The following NIFK variants were observed in gnomAD, a reference collection of about 807,000 sequenced individuals.
NIFK encodes the protein nucleolar protein interacting with the FHA domain of MKI67.
A neutral mutation model predicts 31.7 loss-of-function variants in NIFK; 16 were observed. The observed-to-expected ratio is 0.50, with a 90% CI of 0.34 to 0.77. NIFK has a LOEUF of 0.77. Among genes scored for constraint, NIFK ranks in the 30% least tolerant of loss-of-function variants. NIFK has a pLI of 0.01. For missense variants in NIFK, 341 were observed against 350.4 expected, an observed-to-expected ratio of 0.97 and a Z score of 0.21; for synonymous variants, 126 against 123.0, an observed-to-expected ratio of 1.02 and a Z score of -0.16.
rs778568215 is a variant in NIFK at position 121,736,800 on chromosome 2, C to T, written c.51G>A (p.Gln17=). The stretch of plus-strand genomic sequence containing the variant: ...CCTCCTTTTGAAACTCGACATCTTC[C>T]TGCGGATTAAGCGACAGGATTGGCC... ...PAGPILSLNP[Q]EDVEFQKEVA... Residue 17 remains glutamine (Q), a synonymous_variant, in exon 1 of 7, where the codon CAG becomes CAA. Coordinates refer to ENST00000285814, the MANE Select transcript of NIFK (RefSeq NM_032390.5). 1.2e-6 allele frequency: 2 copies of T among 1,614,192 alleles called. No homozygotes were observed. The highest frequency in any genetic ancestry group is 2.2e-5 in the South Asian group (2 of 91,090).
chr2:121,736,716 C>T (rs745828191), intron 1 of NIFK, 30 bp downstream of exon 1: 8 of 1,591,514 alleles, frequency 5.0e-6, no homozygotes, highest in Non-Finnish European at 3.5e-6. Flanking sequence ...ATCGCCCCCG[C>T]TCGCAGCCTG....
rs905434481 is a variant in NIFK at position 121,731,016 on chromosome 2, T to A, written c.441A>T (p.Lys147Asn). 2 of 1,613,010 alleles carry A rather than the reference T, an allele frequency of 1.2e-6. No homozygotes were observed. The highest frequency in any genetic ancestry group is 4.5e-5 in the East Asian group (2 of 44,886). The change falls in exon 4 of 7, where the codon AAA (lysine) becomes AAT (asparagine). Residue 147 changes from lysine (K) to asparagine (N), a missense_variant. Transcript: ENST00000285814. ...TTAGTGTCCGATTCCGATTATACCG[T>A]TTCACTGATGGATATGATGGCTGCT... ...PFKQPSYPSV[K>N]RYNRNRTLTQ...
intron 2 of NIFK, among the ~76,000 whole-genome samples, chr2:121,733,901 C>T (rs1231502391): frequency 6.6e-6 from 1 of 152,168 alleles, no homozygotes; most frequent in African/African-American, 2.4e-5. Flanking sequence ...GAGCCAAAGT[C>T]TGCAAAATAC....
chr2:121,730,927 G>A lies in NIFK; in HGVS notation c.530C>T (p.Ala177Val), dbSNP rs1169925701. The change falls in exon 4 of 7, where the codon GCT (alanine) becomes GTT (valine). Residue 177 changes from alanine to valine, a missense_variant. Ala to Val is a moderately conservative substitution (Grantham distance 64, BLOSUM62 0). Transcript: ENST00000285814. ...AAAATCATAGTCAATTCCTTTTTTAGCTAATTTCTTCCTGAGTAATCTTTC... is the reference window on the plus strand; with the variant it reads ...AAAATCATAGTCAATTCCTTTTTTAACTAATTTCTTCCTGAGTAATCTTTC... Reference protein sequence around the residue: ...KKERLLRKKLAKKGIDYDFPS... With the variant: ...KKERLLRKKLVKKGIDYDFPS... The A allele has an allele frequency of 6.2e-7, 1 of 1,612,276 alleles. No individual in the cohort carries two copies. Among genetic ancestry groups the A allele is most frequent in the East Asian group, 2.2e-5 (1 of 44,870 alleles).
Position 121,736,801 on chromosome 2 carries a change from T to C in NIFK, c.50A>G (p.Gln17Arg), listed in dbSNP as rs750327736. ...CTCCTTTTGAAACTCGACATCTTCC[T>C]GCGGATTAAGCGACAGGATTGGCCC... ...PAGPILSLNPQEDVEFQKEVA... is the reference protein window; with the variant it reads ...PAGPILSLNPREDVEFQKEVA... The change falls in exon 1 of 7, where the codon CAG becomes CGG. Residue 17 changes from glutamine to arginine, a missense_variant. By Grantham distance (43) the Gln-to-Arg change is conservative. Coordinates refer to ENST00000285814, the MANE Select transcript of NIFK (RefSeq NM_032390.5). 6.2e-7 allele frequency: 1 copy of C among 1,614,168 alleles called. No homozygotes were observed. Among genetic ancestry groups the C allele is most frequent in the South Asian group, 1.1e-5 (1 of 91,088 alleles).
rs1254233816 is a variant in NIFK, at chr2:121,727,116, G to A, written c.*608C>T. 1 of 200,804 alleles carries A rather than the reference G, an allele frequency of 5.0e-6. No homozygotes were observed. Among genetic ancestry groups the A allele is most frequent in the East Asian group, 1.3e-4 (1 of 7,920 alleles). 12.4% of individuals were successfully genotyped at this position (200,804 alleles called of 1,614,324 possible). ...AATACAATTCTTCACTGATGATACT[G>A]GTATAAAATGGTGGTTATTAATTCA... is the stretch of plus-strand genomic sequence containing the variant. On this transcript the variant is annotated 3_prime_UTR_variant, in exon 7 of 7. Transcript: ENST00000285814.
rs746692838 is a variant in NIFK at position 121,732,211 on chromosome 2, C to G, written c.244-7G>C. On this transcript the variant is annotated splice_region_variant and splice_polypyrimidine_tract_variant and intron_variant, in intron 2 of 6. Transcript: ENST00000285814. ...AGCCTTTGCTATTTCCAGTCTGCAA[C>G]AGAGAAACCGCCACAAAAAGTAGAA... is the stretch of plus-strand genomic sequence containing the variant. 1.3e-6 allele frequency: 2 copies of G among 1,545,850 alleles called. No individual in the cohort carries two copies. Among genetic ancestry groups the G allele is most frequent in the African/African-American group, 1.4e-5 (1 of 73,402 alleles).
At chr2:121,728,394 G>T in intron 5 of NIFK, 38 bp from the exon 6 acceptor site, 2 of 1,483,152 alleles carry the variant, frequency 1.3e-6, no homozygotes, top group South Asian at 1.2e-5. Flanking sequence ...TTTGAATATT[G>T]ATCAGCTACA....
Position 121,731,085 on chromosome 2 carries a change from T to C in NIFK, c.372A>G (p.Glu124=), listed in dbSNP as rs1424424270. 18 of 1,578,094 alleles carry C rather than the reference T, an allele frequency of 1.1e-5. No homozygotes were observed. Among genetic ancestry groups the C allele is most frequent in the Middle Eastern group, 1.7e-4 (1 of 5,900 alleles). Residue 124 remains glutamate, a synonymous_variant, in exon 4 of 7, where the codon GAA becomes GAG. Transcript: ENST00000285814. ...RLLECHFMPP[E]KVHKELFKDW... is the part of the protein sequence containing the mutation. ...CTTTAAAGAGTTCTTTATGTACTTT[T>C]TCAGGTGGCATAAAATGACCTATTT...
chr2:121,728,072 A>C (rs1189114614), intron 6 of NIFK, 160 bp from the exon 7 acceptor site: 6 of 741,938 alleles, frequency 8.1e-6, no homozygotes, highest in Admixed American at 3.5e-5. Flanking sequence ...AAGAACTTAG[A>C]TGCTTATCAA....
At chr2:121,732,320 A>G (rs2074547253) in intron 2 of NIFK, 116 bp from the exon 3 acceptor site, 1 of 638,570 alleles carries the variant, frequency 1.6e-6, no homozygotes, top group Admixed American at 2.8e-5. Context: ...AATATTACGT[A>G]CGACACGCTT....
At position 121,731,109 on chromosome 2, in the gene NIFK, T is replaced by C. The variant is rs747173125; in HGVS notation, c.353-5A>G. The C allele has an allele frequency of 1.3e-6, 2 of 1,507,652 alleles. No individual in the cohort carries two copies. The highest frequency in any genetic ancestry group is 2.4e-5 in the South Asian group (2 of 82,822). 93.4% of individuals were successfully genotyped at this position (1,507,652 alleles called of 1,614,324 possible). A position where few individuals can be genotyped will look rare whatever the true frequency, so the allele number is the denominator to read the frequency against. On this transcript the variant is annotated splice_region_variant and splice_polypyrimidine_tract_variant and intron_variant, in intron 3 of 6. Coordinates refer to ENST00000285814, the MANE Select transcript of NIFK (RefSeq NM_032390.5). ...TTTCAGGTGGCATAAAATGACCTAT[T>C]TTCAAAAAGAAAAAAACATAAAGGT...
chr2:121,731,393 C>A lies in NIFK; in HGVS notation c.353-289G>T, dbSNP rs138669746. Among the ~76,000 whole-genome samples, 426 of 152,334 alleles carry A rather than the reference C, an allele frequency of 2.8e-3. 2 individuals are homozygous for A. Among genetic ancestry groups the A allele is most frequent in the Non-Finnish European group, 4.9e-3 (335 of 68,026 alleles). On this transcript the variant is annotated intron_variant, in intron 3 of 6. Coordinates refer to ENST00000285814, the MANE Select transcript of NIFK (RefSeq NM_032390.5). ...AGGATCTGGACAGGGATGCTCTCTG[C>A]ACCCTATGGACTGCAGGGTAGGGGG...
intron 3 of NIFK, chr2:121,731,307 G>T: frequency 1.9e-6 from 1 of 532,424 alleles, no homozygotes; most frequent in Non-Finnish European, 3.3e-6. Context: ...TACCTAAGAC[G>T]GCCACATGCC....
chr2:121,727,605 CAG>C lies in NIFK; in HGVS notation c.*117_*118del. Reference sequence around the variant, plus strand: ...CACTGCTTTCCTTAACTTGACCAAACAGTGTATTTTTCCTCTGAAAATCTTGT... The same window carrying C: ...CACTGCTTTCCTTAACTTGACCAAACTGTATTTTTCCTCTGAAAATCTTGT... On this transcript the variant is annotated 3_prime_UTR_variant, in exon 7 of 7. Transcript: ENST00000285814. The C allele has an allele frequency of 1.2e-6, 1 of 862,680 alleles. No individual in the cohort carries two copies. The highest frequency in any genetic ancestry group is 1.5e-5 in the South Asian group (1 of 66,706). The allele number at this position is 862,680 out of a possible 1,614,324, so 53.4% of individuals were successfully genotyped here. A position where few individuals can be genotyped will look rare whatever the true frequency, so the allele number is the denominator to read the frequency against.
intron 1 of NIFK, 105 bp downstream of exon 1, chr2:121,736,641 G>T: frequency 1.1e-6 from 1 of 924,766 alleles, no homozygotes; most frequent in South Asian, 1.4e-5. Flanking sequence ...ATGAAGGCGA[G>T]CACGAAGGCA....
At chr2:121,727,970 C>T (rs2074504086) in intron 6 of NIFK, 58 bp from the exon 7 acceptor site, 1 of 1,435,532 alleles carries the variant, frequency 7.0e-7, no homozygotes, top group Non-Finnish European at 9.4e-7. Context: ...TATGACTTTA[C>T]CCAAAAATAT....
At position 121,727,265 on chromosome 2, in the gene NIFK, ATAAT is replaced by A. The variant is rs1246956081; in HGVS notation, c.*455_*458del. The A allele has an allele frequency of 2.2e-5, 8 of 366,170 alleles. No homozygotes were observed. Among genetic ancestry groups the A allele is most frequent in the Non-Finnish European group, 3.9e-5 (7 of 178,352 alleles). 22.7% of individuals were successfully genotyped at this position (366,170 alleles called of 1,614,324 possible). ...CTGGAACTGCCTTCTCACTCTACAT[ATAAT>A]TAAACTTCCAGCTTCAACCATCTGA... On this transcript the variant is annotated 3_prime_UTR_variant, in exon 7 of 7. Coordinates refer to ENST00000285814, the MANE Select transcript of NIFK (RefSeq NM_032390.5).
intron 6 of NIFK, 163 bp downstream of exon 6, chr2:121,728,125 A>C (rs2074505274): frequency 1.4e-6 from 1 of 690,694 alleles, no homozygotes; most frequent in Non-Finnish European, 2.4e-6. Flanking sequence ...AGCATGTTCC[A>C]TTATAAGGTT....
Sources: allele counts gnomAD v4.1 joint callset (sites outside exome capture counted in the v4.1 genomes callset), GRCh38; gene constraint gnomAD v4.1.1; transcripts MANE v1.5; gene names NCBI Gene and HGNC (gene_info 2026-07-23, HGNC 2026-07-21).